MEIS2: variants seen among roughly 807,000 people sequenced by gnomAD.
MEIS2 encodes homeobox protein Meis2.
In MEIS2, 9 loss-of-function variants were observed where a neutral mutation model predicts 58.6. The observed-to-expected ratio is 0.15, with a 90% CI of 0.09 to 0.27. The LOEUF is 0.27. Among genes scored for constraint, MEIS2 ranks in the 10% least tolerant of loss-of-function variants. MEIS2 has a pLI of 1.00. For synonymous variants in MEIS2, 221 were observed against 228.4 expected (o/e 0.97, Z 0.29); for missense variants, 427 against 635.0 (o/e 0.67, Z 3.52).
At chr15:37,089,320 C>G (rs1004774185) in intron 6 of MEIS2, among the ~76,000 whole-genome samples, 1 of 152,138 alleles carries the variant, frequency 6.6e-6, no homozygotes, top group African/African-American at 2.4e-5. Flanking sequence ...TTGAACCTAT[C>G]CCACCCCTCA....
chr15:37,013,530 C>T (rs1244859596), intron 8 of MEIS2, among the ~76,000 whole-genome samples: 1 of 150,938 alleles, frequency 6.6e-6, no homozygotes, highest in Non-Finnish European at 1.5e-5. Flanking sequence ...CGAGGTCACG[C>T]CTTTGTACTC....
At chr15:37,094,005 A>G (rs1243730890) in intron 5 of MEIS2, 2 of 417,186 alleles carry the variant, frequency 4.8e-6, no homozygotes, top group Non-Finnish European at 8.6e-6. Context: ...AACTGGGTTC[A>G]GAGTGGGAGT....
chr15:37,005,155 G>A (rs1253110989), intron 8 of MEIS2, among the ~76,000 whole-genome samples: 1 of 152,204 alleles, frequency 6.6e-6, no homozygotes, highest in Non-Finnish European at 1.5e-5. Context: ...TGAGCACACT[G>A]TGAAAGAAGT....
At chr15:37,046,162 C>T (rs923598654) in intron 7 of MEIS2, among the ~76,000 whole-genome samples, 9 of 152,190 alleles carry the variant, frequency 5.9e-5, no homozygotes, top group Non-Finnish European at 1.2e-4. Context: ...CTGAAGAGAC[C>T]GAAAGCACTT....
At chr15:36,944,580 A>T (rs1165588382) in intron 9 of MEIS2, among the ~76,000 whole-genome samples, 3 of 152,066 alleles carry the variant, frequency 2.0e-5, no homozygotes, top group Non-Finnish European at 4.4e-5. Flanking sequence ...AAAGAGAAGC[A>T]TTTTCACCTA....
chr15:37,031,339 T>C (rs2141714061), intron 8 of MEIS2, among the ~76,000 whole-genome samples: 1 of 152,196 alleles, frequency 6.6e-6, no homozygotes, highest in South Asian at 2.1e-4. Context: ...AAGATAAAGA[T>C]AACTAGTCAA....
At chr15:37,088,159 T>C (rs1370351425) in intron 6 of MEIS2, among the ~76,000 whole-genome samples, 2 of 152,162 alleles carry the variant, frequency 1.3e-5, no homozygotes, top group Non-Finnish European at 2.9e-5. Context: ...TTTATCTCTT[T>C]AAAATTAAGA....
chr15:36,985,065 G>C (rs1032743498), intron 8 of MEIS2, among the ~76,000 whole-genome samples: 1 of 151,936 alleles, frequency 6.6e-6, no homozygotes, highest in South Asian at 2.1e-4. Flanking sequence ...TTCTTCAGTT[G>C]AGAGAATTTG....
chr15:37,083,394 C>T (rs1284499848), intron 7 of MEIS2, among the ~76,000 whole-genome samples: 3 of 152,114 alleles, frequency 2.0e-5, no homozygotes, highest in Middle Eastern at 3.2e-3. Context: ...ATAGAGAATG[C>T]TTATAGTTGA....
At chr15:36,921,701 C>T (rs1354347868) in intron 9 of MEIS2, among the ~76,000 whole-genome samples, 1 of 148,716 alleles carries the variant, frequency 6.7e-6, no homozygotes, top group Non-Finnish European at 1.5e-5. Flanking sequence ...GCCTGATACG[C>T]TAGTGACCTC....
chr15:36,955,603 G>A (rs894376239), intron 8 of MEIS2, among the ~76,000 whole-genome samples: 1 of 152,114 alleles, frequency 6.6e-6, no homozygotes, highest in Non-Finnish European at 1.5e-5. Context: ...GTAATAACAA[G>A]GTTTGTGATG....
chr15:36,959,698 C>T (rs984387242), intron 8 of MEIS2, among the ~76,000 whole-genome samples: 2 of 152,040 alleles, frequency 1.3e-5, no homozygotes, highest in African/African-American at 4.8e-5. Flanking sequence ...AAGAATAAAA[C>T]TTTATACATG....
intron 8 of MEIS2, among the ~76,000 whole-genome samples, chr15:37,025,488 CA>C (rs2061671925): frequency 6.6e-6 from 1 of 151,982 alleles, no homozygotes; most frequent in African/African-American, 2.4e-5. Context: ...TTTATCAACA[CA>C]AAGAGTTAAC....
chr15:37,055,148 T>A (rs547194468), intron 7 of MEIS2, among the ~76,000 whole-genome samples: 2 of 152,218 alleles, frequency 1.3e-5, no homozygotes, highest in South Asian at 4.2e-4. Flanking sequence ...GAGCTCAGAG[T>A]CCATCTGTCC....
chr15:37,095,794 G>T, intron 3 of MEIS2, 180 bp from the exon 4 acceptor site: 1 of 845,218 alleles, frequency 1.2e-6, no homozygotes, highest in Non-Finnish European at 1.8e-6. Flanking sequence ...AGGGCATTCT[G>T]GTCCTGGCCC....
intron 7 of MEIS2, among the ~76,000 whole-genome samples, chr15:37,056,924 C>A (rs988207997): frequency 1.8e-4 from 28 of 152,214 alleles, no homozygotes; most frequent in African/African-American, 6.5e-4. Context: ...TCCGCCTTAA[C>A]GCCCTCCCTC....
intron 9 of MEIS2, among the ~76,000 whole-genome samples, chr15:36,942,908 T>G (rs2058426276): frequency 6.6e-6 from 1 of 152,154 alleles, no homozygotes; most frequent in African/African-American, 2.4e-5. Context: ...CTGATCTATC[T>G]TTTTACCTTC....
At chr15:36,894,897 T>C (rs1030368706) in intron 11 of MEIS2, 1 of 1,161,160 alleles carries the variant, frequency 8.6e-7, no homozygotes, top group African/African-American at 1.5e-5. Flanking sequence ...CAGATTCCTT[T>C]TCACTTATTG....
intron 8 of MEIS2, among the ~76,000 whole-genome samples, chr15:36,974,328 G>T (rs912050687): frequency 6.6e-6 from 1 of 152,076 alleles, no homozygotes; most frequent in Admixed American, 6.6e-5. Flanking sequence ...AGCCACAGAA[G>T]TTGACCCCAG....
Sources: allele counts gnomAD v4.1 joint callset (sites outside exome capture counted in the v4.1 genomes callset), GRCh38; gene constraint gnomAD v4.1.1; transcripts MANE v1.5; gene names NCBI Gene and HGNC (gene_info 2026-07-23, HGNC 2026-07-21).